Variants in HPSE2 observed in about 807,000 individuals in gnomAD.
HPSE2 encodes inactive heparanase-2.
A neutral mutation model predicts 60.5 loss-of-function variants in HPSE2; 38 were observed. The observed-to-expected ratio is 0.63, with a 90% confidence interval of 0.48 to 0.82. The LOEUF (loss-of-function observed/expected upper bound fraction) is 0.82, where lower values mean the gene tolerates loss of function less well. Among genes scored for constraint, HPSE2 ranks in the 40% least tolerant of loss-of-function variants. HPSE2 has a pLI of 0.00. For synonymous variants in HPSE2, 295 were observed against 293.2 expected (o/e 1.01, Z -0.06); for missense variants, 713 against 740.4 (o/e 0.96, Z 0.43).
intron 2 of HPSE2, among the ~76,000 whole-genome samples, chr10:99,180,411 G>GA (rs1314009747): frequency 2.0e-5 from 3 of 151,852 alleles, no homozygotes; most frequent in Non-Finnish European, 2.9e-5. Context: ...AAATTTACAA[G>GA]AAAAAAACAA....
intron 5 of HPSE2, among the ~76,000 whole-genome samples, chr10:98,715,777 T>C (rs1948775962): frequency 6.6e-6 from 1 of 152,098 alleles, no homozygotes; most frequent in South Asian, 2.1e-4. Flanking sequence ...TGAGTCATAA[T>C]CTTTTTGCTG....
the HPSE2 span, among the ~76,000 whole-genome samples, chr10:99,262,556 C>A: frequency 7.2e-5 from 11 of 152,140 alleles, no homozygotes; most frequent in Admixed American, 2.0e-4. Context: ...CCTCATCACC[C>A]TTACCCTGCT....
intron 3 of HPSE2, among the ~76,000 whole-genome samples, chr10:98,992,317 A>AT (rs1413639337): frequency 6.6e-6 from 1 of 152,060 alleles, no homozygotes. Flanking sequence ...ATAGTAACTG[A>AT]TTTGGGTTTT....
At chr10:99,290,626 G>C in the HPSE2 span, among the ~76,000 whole-genome samples, 1 of 152,068 alleles carries the variant, frequency 6.6e-6, no homozygotes, top group Non-Finnish European at 1.5e-5. Context: ...TCCATTTATG[G>C]ACTATTGGCC....
At chr10:98,644,457 C>T (rs990703673) in intron 6 of HPSE2, among the ~76,000 whole-genome samples, 2 of 151,984 alleles carry the variant, frequency 1.3e-5, no homozygotes, top group Admixed American at 1.3e-4. Context: ...TGCTGGATTC[C>T]CAGCAGGTGT....
intron 3 of HPSE2, among the ~76,000 whole-genome samples, chr10:98,821,597 C>T (rs1951425240): frequency 6.6e-6 from 1 of 152,164 alleles, no homozygotes; most frequent in Non-Finnish European, 1.5e-5. Flanking sequence ...TTAATCAGGG[C>T]TTATATTCTG....
chr10:98,607,609 C>G (rs997661542), intron 9 of HPSE2, among the ~76,000 whole-genome samples: 1 of 152,166 alleles, frequency 6.6e-6, no homozygotes, highest in African/African-American at 2.4e-5. Context: ...TTGTCTTTAA[C>G]CTTTGCAGTC....
At chr10:98,723,047 T>G (rs1198634899) in intron 4 of HPSE2, among the ~76,000 whole-genome samples, 1 of 152,208 alleles carries the variant, frequency 6.6e-6, no homozygotes, top group Non-Finnish European at 1.5e-5. Context: ...TGTGCCAGTT[T>G]TCAAAGGGAA....
intron 9 of HPSE2, among the ~76,000 whole-genome samples, chr10:98,567,757 G>A (rs1352643901): frequency 4.0e-5 from 6 of 150,808 alleles, no homozygotes; most frequent in Admixed American, 6.6e-5. Flanking sequence ...TGGTGTGTGT[G>A]TGTGTGTGTG....
intron 3 of HPSE2, among the ~76,000 whole-genome samples, chr10:99,053,039 G>GA (rs59630547): frequency 0.51 from 75,939 of 148,286 alleles, 21,594 homozygotes; most frequent in Non-Finnish European, 0.64. Flanking sequence ...TTAATTTCTT[G>GA]AAAAAAAAAC....
intron 2 of HPSE2, among the ~76,000 whole-genome samples, chr10:99,162,798 C>A (rs1358629853): frequency 2.6e-5 from 4 of 152,158 alleles, no homozygotes; most frequent in Non-Finnish European, 5.9e-5. Context: ...TTGTCCCCTT[C>A]TTTTCTATTC....
chr10:98,917,695 T>C (rs1453469581), intron 3 of HPSE2, among the ~76,000 whole-genome samples: 1 of 152,184 alleles, frequency 6.6e-6, no homozygotes, highest in South Asian at 2.1e-4. Context: ...TCATGGATTG[T>C]TTTCACTTAC....
intron 6 of HPSE2, among the ~76,000 whole-genome samples, chr10:98,692,061 T>C (rs10883159): frequency 0.53 from 80,598 of 151,988 alleles, 22,933 homozygotes; most frequent in South Asian, 0.77. Flanking sequence ...TAAATTATTA[T>C]AAGTGCTATT....
intron 3 of HPSE2, among the ~76,000 whole-genome samples, chr10:99,050,563 C>T (rs114354140): frequency 5.3e-4 from 81 of 152,170 alleles, no homozygotes; most frequent in African/African-American, 1.0e-3. Context: ...CTGCAATAAA[C>T]GTGGAATTAC....
At chr10:98,802,991 T>G (rs1484045272) in intron 3 of HPSE2, among the ~76,000 whole-genome samples, 6 of 146,838 alleles carry the variant, frequency 4.1e-5, no homozygotes, top group African/African-American at 1.3e-4. Context: ...TGTTGTTTCC[T>G]GACTTTTTAA....
intron 3 of HPSE2, among the ~76,000 whole-genome samples, chr10:99,132,146 G>GAAGGAAGAAAGAAAGAAAGAAAGA (rs1845413704): frequency 3.5e-5 from 1 of 28,484 alleles, no homozygotes; most frequent in African/African-American, 8.2e-5. Context: ...AGAAAGAAAG[G>GAAGGAAGAAAGAAAGAAAGAAAGA]AAGAAAGAAA....
chr10:98,478,958 C>T (rs1483268745), intron 11 of HPSE2, among the ~76,000 whole-genome samples: 1 of 152,134 alleles, frequency 6.6e-6, no homozygotes, highest in African/African-American at 2.4e-5. Context: ...AGATGGGAAA[C>T]AAGAACCTTC....
At chr10:98,925,106 G>C (rs1954412142) in intron 3 of HPSE2, among the ~76,000 whole-genome samples, 1 of 152,224 alleles carries the variant, frequency 6.6e-6, no homozygotes, top group Non-Finnish European at 1.5e-5. Context: ...TGGAGGTGAG[G>C]TGGTGTCAGT....
intron 3 of HPSE2, among the ~76,000 whole-genome samples, chr10:98,934,743 T>G (rs1016378128): frequency 1.4e-5 from 2 of 143,812 alleles, no homozygotes; most frequent in South Asian, 4.2e-4. Context: ...GAGAATCTGA[T>G]GATTATGTGC....
Sources: allele counts gnomAD v4.1 joint callset (sites outside exome capture counted in the v4.1 genomes callset), GRCh38; gene constraint gnomAD v4.1.1; transcripts MANE v1.5; gene names NCBI Gene and HGNC (gene_info 2026-07-23, HGNC 2026-07-21).